FRMPD1: variants seen among roughly 807,000 people sequenced by gnomAD.
FRMPD1 encodes the protein FERM and PDZ domain containing 1, also known as FERM and PDZ domain-containing protein 1.
A neutral mutation model predicts 117.8 loss-of-function variants in FRMPD1; 76 were observed. That is an observed-to-expected ratio of 0.65 (90% CI 0.54 to 0.78). The LOEUF (loss-of-function observed/expected upper bound fraction) is 0.78. FRMPD1 is among the 30% of genes least tolerant of loss of function. The pLI is 0.00. For synonymous variants in FRMPD1, 783 were observed against 770.4 expected, an observed-to-expected ratio of 1.02 and a Z score of -0.27; for missense variants, 1,786 against 1,964.5, an observed-to-expected ratio of 0.91 and a Z score of 1.72.
intron 1 of FRMPD1, among the ~76,000 whole-genome samples, chr9:37,682,565 C>T (rs1041116608): frequency 1.8e-4 from 27 of 152,228 alleles, no homozygotes; most frequent in African/African-American, 6.5e-4. Flanking sequence ...AGGAAGGAAA[C>T]CAGGTCTCCT....
chr9:37,639,091 T>G, the FRMPD1 span, among the ~76,000 whole-genome samples: 1 of 152,234 alleles, frequency 6.6e-6, no homozygotes, highest in African/African-American at 2.4e-5. Flanking sequence ...TGCACATACA[T>G]TTTAAATATT....
intron 1 of FRMPD1, among the ~76,000 whole-genome samples, chr9:37,660,442 C>T (rs893622168): frequency 1.3e-5 from 2 of 151,954 alleles, no homozygotes; most frequent in Admixed American, 6.6e-5. Flanking sequence ...GGTCATCATC[C>T]GATGGAGCTG....
intron 1 of FRMPD1, among the ~76,000 whole-genome samples, chr9:37,676,666 GC>G (rs1821539367): frequency 6.6e-6 from 1 of 152,170 alleles, no homozygotes; most frequent in Admixed American, 6.5e-5. Context: ...AGCCAGAGTG[GC>G]CCGTTGGCCT....
At chr9:37,634,861 C>G in the FRMPD1 span, among the ~76,000 whole-genome samples, 28 of 151,860 alleles carry the variant, frequency 1.8e-4, no homozygotes, top group African/African-American at 6.8e-4. Context: ...ATTGACCCAC[C>G]CTGTAAGTTC....
the FRMPD1 span, among the ~76,000 whole-genome samples, chr9:37,624,729 C>A: frequency 6.6e-6 from 1 of 152,140 alleles, no homozygotes; most frequent in Non-Finnish European, 1.5e-5. Context: ...GTGTGAATCA[C>A]TGAAAAGATG....
intron 7 of FRMPD1, among the ~76,000 whole-genome samples, chr9:37,727,699 G>T (rs532459783): frequency 7.1e-6 from 1 of 140,258 alleles, no homozygotes; most frequent in Non-Finnish European, 1.6e-5. Context: ...CTAGTCACTG[G>T]GTAGTTATGG....
At chr9:37,663,994 A>C (rs753931093) in intron 1 of FRMPD1, among the ~76,000 whole-genome samples, 1 of 152,200 alleles carries the variant, frequency 6.6e-6, no homozygotes, top group Non-Finnish European at 1.5e-5. Context: ...CGGATGCAGA[A>C]GCCCCAGATA....
rs147769001 is a variant in FRMPD1 at position 37,700,903 on chromosome 9, G to T, written c.102-6513G>T. On this transcript the variant is annotated intron_variant, in intron 2 of 15. Coordinates refer to ENST00000377765, the MANE Select transcript of FRMPD1 (RefSeq NM_014907.3). ...ATGTTTTGAGATCAGTGCTTAGTTT[G>T]ATATTTATAAGATGCTTCAGAGGAG... 2.8e-3 allele frequency among the ~76,000 whole-genome samples: 434 copies of T among 152,294 alleles called. 2 individuals are homozygous for T. The highest frequency in any genetic ancestry group is 9.9e-3 in the African/African-American group (413 of 41,566).
chr9:37,634,121 C>G, the FRMPD1 span, among the ~76,000 whole-genome samples: 4 of 152,058 alleles, frequency 2.6e-5, no homozygotes, highest in Admixed American at 2.6e-4. Flanking sequence ...TAAACATTAC[C>G]CATAGAAATA....
rs755074216 is a variant in FRMPD1 at position 37,737,141 on chromosome 9, T to A, written c.1447T>A (p.Cys483Ser). 72 of 1,611,734 alleles carry A rather than the reference T, an allele frequency of 4.5e-5. No individual in the cohort carries two copies. Among genetic ancestry groups the A allele is most frequent in the Non-Finnish European group, 5.9e-5 (70 of 1,177,892 alleles). The change falls in exon 14 of 16, where the codon TGC (cysteine) becomes AGC (serine). Residue 483 changes from cysteine (C) to serine (S), a missense_variant. Coordinates refer to ENST00000377765, the MANE Select transcript of FRMPD1 (RefSeq NM_014907.3). ...ATCCAACAGTGCAAAAGACCTAGCC[T>A]GCCTGATTGCTGGGTACTACAGGCT... ...LESNSAKDLA[C>S]LIAGYYRLLV...
intron 10 of FRMPD1, 116 bp downstream of exon 10, chr9:37,732,556 T>C (rs965537950): frequency 1.0e-5 from 10 of 988,154 alleles, no homozygotes; most frequent in Non-Finnish European, 1.3e-5. Context: ...TCTGTTGTCT[T>C]TCCATCCATT....
chr9:37,745,733 T>A lies in FRMPD1; in HGVS notation c.3701T>A (p.Val1234Glu). 1 of 1,614,182 alleles carries A rather than the reference T, an allele frequency of 6.2e-7. No homozygotes were observed. The highest frequency in any genetic ancestry group is 8.5e-7 in the Non-Finnish European group (1 of 1,180,020). ...EGIKAEAPNH[V>E]TGQDIAPRDS... ...ATCAAGGCAGAGGCACCTAACCATG[T>A]GACAGGGCAAGATATAGCCCCTAGG... The change falls in exon 16 of 16, where the codon GTG (valine) becomes GAG (glutamate). Residue 1234 changes from valine to glutamate, a missense_variant. Transcript: ENST00000377765.
chr9:37,666,944 C>T (rs191013607), intron 1 of FRMPD1, among the ~76,000 whole-genome samples: 4 of 152,176 alleles, frequency 2.6e-5, no homozygotes, highest in Admixed American at 6.5e-5. Flanking sequence ...CAGTCGGTTC[C>T]GTCCTCGCCT....
In FRMPD1 at chr9:37,740,940, G is replaced by A. The variant is rs775145918; in HGVS notation, c.2356+56G>A. On this transcript the variant is annotated intron_variant, in intron 15 of 15. Transcript: ENST00000377765. This position sits in a 1 kb window ranked among gnomAD's most constrained non-coding sequence, Gnocchi z 4.2. ...GGCAGGCAGCTCCTGAGTGCCTCCC[G>A]GGGATCAAGGCCTGGGGCCAAGCTT... 4.6e-5 allele frequency: 63 copies of A among 1,359,006 alleles called. No individual in the cohort carries two copies. The highest frequency in any genetic ancestry group is 3.5e-4 in the South Asian group (30 of 85,358). The allele number at this position is 1,359,006 out of a possible 1,614,324, so 84.2% of individuals were successfully genotyped here. A position where few individuals can be genotyped will look rare whatever the true frequency, so the allele number is the denominator to read the frequency against.
chr9:37,630,178 C>CAA, the FRMPD1 span, among the ~76,000 whole-genome samples: 2 of 152,144 alleles, frequency 1.3e-5, no homozygotes, highest in African/African-American at 4.8e-5. Flanking sequence ...TGGGGGGACA[C>CAA]AATCATTCGG....
chr9:37,711,233 A>G (rs1236881288), intron 4 of FRMPD1, 117 bp from the exon 5 acceptor site: 2 of 746,372 alleles, frequency 2.7e-6, no homozygotes, highest in Middle Eastern at 2.4e-4. Context: ...AGGCTGCTTT[A>G]TACTCATTCT....
intron 3 of FRMPD1, 133 bp from the exon 4 acceptor site, chr9:37,708,266 C>T: frequency 1.6e-6 from 1 of 644,976 alleles, no homozygotes; most frequent in Non-Finnish European, 2.8e-6. Flanking sequence ...TGAGCCCAAG[C>T]CTGACTGAAG....
At chr9:37,612,198 G>A in the FRMPD1 span, among the ~76,000 whole-genome samples, 2 of 152,140 alleles carry the variant, frequency 1.3e-5, no homozygotes, top group African/African-American at 4.8e-5. Flanking sequence ...ACTGTTTCCG[G>A]TCTGGGTTCC....
intron 1 of FRMPD1, among the ~76,000 whole-genome samples, chr9:37,685,349 A>G (rs555839201): frequency 1.3e-5 from 2 of 152,260 alleles, no homozygotes; most frequent in African/African-American, 4.8e-5. Flanking sequence ...TCAGCTTAAT[A>G]AATTTGCCTT....
Sources: gnomAD v4.1 joint callset for allele counts (sites outside exome capture counted in the v4.1 genomes callset) on GRCh38, gnomAD v4.1.1 for gene constraint, Gnocchi (gnomAD v3.1) non-coding constraint, MANE v1.5 for transcripts, NCBI Gene and HGNC (gene_info 2026-07-23, HGNC 2026-07-21) for gene names.